The following XCR1 variants were observed in gnomAD, a reference collection of about 807,000 sequenced individuals.
XCR1 encodes the protein chemokine XC receptor 1.
For synonymous variants in XCR1, 187 were observed against 188.5 expected, an observed-to-expected ratio of 0.99 and a Z score of 0.06; for missense variants, 356 against 424.2, an observed-to-expected ratio of 0.84 and a Z score of 1.41.
intron 1 of XCR1, 122 bp from the exon 2 acceptor site, chr3:46,022,100 G>A: frequency 1.2e-6 from 1 of 862,426 alleles, no homozygotes; most frequent in Non-Finnish European, 1.8e-6. Flanking sequence ...AGGAGTTTGA[G>A]ACCATCCCAG....
At chr3:46,050,736 T>C (rs542971395) in intron 5 of XCR1, among the ~76,000 whole-genome samples, 1 of 152,230 alleles carries the variant, frequency 6.6e-6, no homozygotes, top group South Asian at 2.1e-4. Context: ...AGAAGGCAAA[T>C]AGAGGCTCAT....
At position 46,020,968 on chromosome 3, in the gene XCR1, T is replaced by A; in HGVS notation, c.980A>T (p.Tyr327Phe). 6.2e-7 allele frequency: 1 copy of A among 1,612,552 alleles called. No homozygotes were observed. Among genetic ancestry groups the A allele is most frequent in the Non-Finnish European group, 8.5e-7 (1 of 1,179,238 alleles). Residue 327 changes from tyrosine (Y) to phenylalanine (F), a missense_variant, in exon 2 of 2, where the codon TAT (tyrosine) becomes TTT (phenylalanine). Transcript: ENST00000309285. ...CCCTCAGTAGAAGGAGGCGCCCTCA[T>A]AGGCGAAGGCACCAGGGGAGTGGGG... Reference protein sequence around the residue: ...SIPHSPGAFAYEGASFY With the variant: ...SIPHSPGAFAFEGASFY
upstream of XCR1, among the ~76,000 whole-genome samples, chr3:46,031,523 T>C (rs1348134282): frequency 6.6e-6 from 1 of 152,168 alleles, no homozygotes; most frequent in African/African-American, 2.4e-5. Context: ...AGGGGGGCGC[T>C]GAGGGCAGCT....
rs200376617 is a variant in XCR1 at position 46,021,180 on chromosome 3, G to A, written c.768C>T (p.Ile256=). The A allele has an allele frequency of 1.2e-6, 2 of 1,614,264 alleles. No homozygotes were observed. The highest frequency in any genetic ancestry group is 1.7e-6 in the Non-Finnish European group (2 of 1,180,046). ...GCTGCTGTTTGGCCTCGCAGCTCCG[G>A]ATGATCTGGGTCCGAAACAGCGTCT... ...FLQTLFRTQI[I]RSCEAKQQLE... is the part of the protein sequence containing the mutation. Residue 256 remains isoleucine, a synonymous_variant, in exon 2 of 2, where the codon ATC becomes ATT. Transcript: ENST00000309285. This position sits in a 1 kb window ranked among gnomAD's most constrained non-coding sequence, Gnocchi z 4.7.
At chr3:46,044,131 G>T (rs931968469) in intron 5 of XCR1, among the ~76,000 whole-genome samples, 3 of 152,138 alleles carry the variant, frequency 2.0e-5, no homozygotes, top group African/African-American at 2.4e-5. Flanking sequence ...AGGTAGCTGG[G>T]ATTATAGGTG....
intron 4 of XCR1, among the ~76,000 whole-genome samples, chr3:46,058,211 T>C (rs929255850): frequency 6.6e-6 from 1 of 152,240 alleles, no homozygotes; most frequent in African/African-American, 2.4e-5. Flanking sequence ...GGCAAAATAT[T>C]CCTGGATATT....
intron 1 of XCR1, among the ~76,000 whole-genome samples, chr3:46,026,302 C>T (rs1352650449): frequency 1.3e-5 from 2 of 152,098 alleles, no homozygotes; most frequent in African/African-American, 4.8e-5. Context: ...CAAACCCCTC[C>T]AAGTTACATT....
chr3:46,078,160 G>A (rs1698294430), intron 1 of XCR1, among the ~76,000 whole-genome samples: 1 of 152,208 alleles, frequency 6.6e-6, no homozygotes. Context: ...ACTTGGAAGT[G>A]TGTCCTGAGC....
chr3:46,055,494 C>A (rs1388406271), intron 4 of XCR1, among the ~76,000 whole-genome samples: 1 of 152,212 alleles, frequency 6.6e-6, no homozygotes, highest in East Asian at 1.9e-4. Flanking sequence ...ACCCTGCACT[C>A]TTTGACCAGT....
At chr3:46,069,392 G>A (rs1698129585) in intron 3 of XCR1, among the ~76,000 whole-genome samples, 1 of 152,142 alleles carries the variant, frequency 6.6e-6, no homozygotes, top group Non-Finnish European at 1.5e-5. Flanking sequence ...GCAATATCAG[G>A]AATGAAACAG....
In XCR1 at chr3:46,068,477, T is replaced by G. The variant is rs115668329; in HGVS notation, c.-262-1499A>C. On this transcript the variant is annotated intron_variant, in intron 3 of 5. Coordinates refer to the XCR1 transcript ENST00000683768. The stretch of plus-strand genomic sequence containing the variant: ...TCAGTTTTTCAAAGGAGAATTACTT[T>G]GATTGATCTTGTTATTATGATAGAG... 9.0e-3 allele frequency among the ~76,000 whole-genome samples: 1,374 copies of G among 152,298 alleles called. 14 individuals are homozygous for G. The highest frequency in any genetic ancestry group is 0.012 in the Non-Finnish European group (802 of 68,032).
Position 46,020,936 on chromosome 3 carries a change from C to G in XCR1, c.*10G>C, listed in dbSNP as rs1246347956. The G allele has an allele frequency of 1.9e-6, 3 of 1,609,238 alleles. No individual in the cohort carries two copies. In the East Asian group the frequency reaches 6.7e-5, roughly 36 times the overall value. On this transcript the variant is annotated 3_prime_UTR_variant, in exon 2 of 2. Coordinates refer to ENST00000309285, the MANE Select transcript of XCR1 (RefSeq NM_001024644.2). ...CCACCTGCACCTGCGCCTGCACCGC[C>G]ACAGGCCCCTCAGTAGAAGGAGGCG...
chr3:46,064,552 A>G (rs1183812247), intron 4 of XCR1, among the ~76,000 whole-genome samples: 3 of 152,128 alleles, frequency 2.0e-5, no homozygotes, highest in Non-Finnish European at 2.9e-5. Flanking sequence ...ATGTGGCTGG[A>G]GTGACATTCT....
chr3:46,085,260 C>A (rs1023873330), intron 1 of XCR1, among the ~76,000 whole-genome samples: 1 of 150,800 alleles, frequency 6.6e-6, no homozygotes, highest in East Asian at 1.9e-4. Context: ...CTCATCACAC[C>A]GCGAACACAA....
intron 5 of XCR1, among the ~76,000 whole-genome samples, chr3:46,044,598 T>A (rs1387764930): frequency 6.6e-6 from 1 of 152,154 alleles, no homozygotes; most frequent in African/African-American, 2.4e-5. Flanking sequence ...TCAATAAAAT[T>A]GATTAATCTC....
intron 5 of XCR1, among the ~76,000 whole-genome samples, chr3:46,041,972 A>G (rs552062040): frequency 6.6e-6 from 1 of 152,324 alleles, no homozygotes; most frequent in Admixed American, 6.5e-5. Context: ...CACCCAATTA[A>G]CACCTTCTTC....
At chr3:46,077,569 A>G (rs544662023) in intron 1 of XCR1, among the ~76,000 whole-genome samples, 1 of 152,130 alleles carries the variant, frequency 6.6e-6, no homozygotes, top group African/African-American at 2.4e-5. Flanking sequence ...TTCATCCCCA[A>G]ACCATCTCCC....
At chr3:46,060,664 G>T (rs1697944218) in intron 4 of XCR1, among the ~76,000 whole-genome samples, 1 of 152,152 alleles carries the variant, frequency 6.6e-6, no homozygotes, top group Admixed American at 6.5e-5. Flanking sequence ...CAAACATTTT[G>T]CTAGGGGATT....
intron 4 of XCR1, among the ~76,000 whole-genome samples, chr3:46,056,783 T>C (rs567269795): frequency 1.3e-5 from 2 of 152,244 alleles, no homozygotes; most frequent in Non-Finnish European, 2.9e-5. Flanking sequence ...CCCCTGTACC[T>C]GGCTGGCAGC....
Sources: gnomAD v4.1 joint callset for allele counts (sites outside exome capture counted in the v4.1 genomes callset) on GRCh38, gnomAD v4.1.1 for gene constraint, Gnocchi (gnomAD v3.1) non-coding constraint, MANE v1.5 for transcripts, NCBI Gene and HGNC (gene_info 2026-07-23, HGNC 2026-07-21) for gene names.